ZNF836: variants seen among roughly 807,000 people sequenced by gnomAD.
ZNF836 encodes zinc finger protein 836.
In ZNF836, 12 loss-of-function variants were observed where a neutral mutation model predicts 7.4. That is an observed-to-expected ratio of 1.61 (90% CI 1.03 to 2.61). The LOEUF (loss-of-function observed/expected upper bound fraction) is 2.61. Ranked by LOEUF, ZNF836 falls within the 30% of genes most tolerant of loss-of-function variation. The pLI, the probability that ZNF836 is intolerant of heterozygous loss-of-function variation, is 0.00. For missense variants in ZNF836, 998 were observed against 1,126.2 expected, an observed-to-expected ratio of 0.89 and a Z score of 1.63; for synonymous variants, 365 against 382.6, an observed-to-expected ratio of 0.95 and a Z score of 0.54.
Position 52,156,901 on chromosome 19 carries a change from A to C in ZNF836, c.782T>G (p.Leu261Arg), listed in dbSNP as rs780561130. Residue 261 changes from leucine to arginine, a missense_variant, in exon 5 of 5, where the codon CTA becomes CGA. Leu to Arg is a moderately radical substitution (Grantham distance 102). Coordinates refer to ENST00000682614, the MANE Select transcript of ZNF836 (RefSeq NM_001102657.3). ...CGKAFHRGSL[L>R]TIHQIVHTRG... ...TGTATGGACTATCTGATGTATAGTTAGTAGTGAGCCCCGATGAAAGGCTTT... is the reference window on the plus strand; with the variant it reads ...TGTATGGACTATCTGATGTATAGTTCGTAGTGAGCCCCGATGAAAGGCTTT... 6.2e-7 allele frequency: 1 copy of C among 1,614,218 alleles called. No individual in the cohort carries two copies. Among genetic ancestry groups the C allele is most frequent in the East Asian group, 2.2e-5 (1 of 44,880 alleles).
At chr19:52,166,779 C>T (rs1487637017) in intron 3 of ZNF836, among the ~76,000 whole-genome samples, 1 of 151,356 alleles carries the variant, frequency 6.6e-6, no homozygotes, top group African/African-American at 2.4e-5. Flanking sequence ...CGGGGTTTCA[C>T]CTTGTTAGCC....
intron 3 of ZNF836, among the ~76,000 whole-genome samples, chr19:52,163,109 C>T (rs2089228703): frequency 6.6e-6 from 1 of 152,152 alleles, no homozygotes; most frequent in African/African-American, 2.4e-5. Flanking sequence ...CTATTCTGCC[C>T]TCAAGGCCCT....
chr19:52,155,636 T>G lies in ZNF836; in HGVS notation c.2047A>C (p.Lys683Gln), dbSNP rs762603980. 6.2e-7 allele frequency: 1 copy of G among 1,614,100 alleles called. No individual in the cohort carries two copies. Among genetic ancestry groups the G allele is most frequent in the Admixed American group, 1.7e-5 (1 of 60,020 alleles). ...TCTCCAGTATGAATTATCAGATGTTTAGTGAGGCTTGAACGCTGAGTATAG... is the reference window on the plus strand; with the variant it reads ...TCTCCAGTATGAATTATCAGATGTTGAGTGAGGCTTGAACGCTGAGTATAG... Reference protein sequence around the residue: ...KAYTQRSSLTKHLIIHTGEKP... With the variant: ...KAYTQRSSLTQHLIIHTGEKP... Residue 683 changes from lysine to glutamine, a missense_variant, in exon 5 of 5, where the codon AAA becomes CAA. Physicochemically the swap from Lys to Gln is moderately conservative, Grantham distance 53. Coordinates refer to ENST00000682614, the MANE Select transcript of ZNF836 (RefSeq NM_001102657.3).
intron 2 of ZNF836, among the ~76,000 whole-genome samples, chr19:52,168,755 T>C (rs2089286469): frequency 6.6e-6 from 1 of 152,076 alleles, no homozygotes; most frequent in Non-Finnish European, 1.5e-5. Flanking sequence ...TGCAACAACA[T>C]GGATGAACCA....
In ZNF836 at chr19:52,157,551, T is replaced by C. The variant is rs189622832; in HGVS notation, c.143-11A>G. 1.9e-4 allele frequency: 279 copies of C among 1,479,028 alleles called. 1 individual carries two copies. The East Asian group carries it at 4.9e-3, about 26-fold the overall frequency. The allele number at this position is 1,479,028 out of a possible 1,614,324, so 91.6% of individuals were successfully genotyped here. On this transcript the variant is annotated splice_polypyrimidine_tract_variant and intron_variant, in intron 4 of 4. Transcript: ENST00000682614. ...ATTTAGGAAGGATACCTACAAAATA[T>C]AATGAACATGGGAGTTTTTTCGTTG...
At chr19:52,160,358 G>A in intron 4 of ZNF836, 107 bp downstream of exon 4, 1 of 1,395,468 alleles carries the variant, frequency 7.2e-7, no homozygotes. Context: ...GAGTCAACAA[G>A]GCTTCAGTCT....
chr19:52,168,064 A>G lies in ZNF836; in HGVS notation c.9T>C (p.Leu3=), dbSNP rs761534633. ...ACTAAGAATATCATTTTACCTGTGT[A>G]AGAGCCATCCCTGACTCCTTTTCTT... The part of the protein sequence containing the change: MA[L]TQGPLTFRDV... The change falls in exon 3 of 5, where the codon CTT becomes CTC. Residue 3 remains leucine (L), a synonymous_variant. Transcript: ENST00000682614. The G allele has an allele frequency of 1.9e-6, 3 of 1,609,178 alleles. No homozygotes were observed. In the South Asian group the frequency reaches 3.3e-5, roughly 18 times the overall value.
rs1188003686 is a variant in ZNF836, at chr19:52,162,338, C to A, written c.16-1747G>T. On this transcript the variant is annotated intron_variant, in intron 3 of 4. Coordinates refer to ENST00000682614, the MANE Select transcript of ZNF836 (RefSeq NM_001102657.3). ...CCTTAGTGGGGACTTCCAGGGACAG[C>A]CTCACTCCTATGGCATTTTTATGCC... is the stretch of plus-strand genomic sequence containing the variant. 2.6e-5 allele frequency among the ~76,000 whole-genome samples: 4 copies of A among 152,192 alleles called. 1 individual carries two copies. In the South Asian group the frequency reaches 6.2e-4, roughly 24 times the overall value.
intron 3 of ZNF836, chr19:52,165,144 G>A (rs1186958214): frequency 6.6e-6 from 1 of 152,144 alleles, no homozygotes; most frequent in Non-Finnish European, 1.5e-5. Context: ...AGATCTAAAA[G>A]AAACATAGTA....
At chr19:52,170,639 C>T (rs1392903411) in intron 1 of ZNF836, among the ~76,000 whole-genome samples, 1 of 152,126 alleles carries the variant, frequency 6.6e-6, no homozygotes, top group African/African-American at 2.4e-5. Flanking sequence ...TGCTTTCCTC[C>T]CCCTGCTTCT....
intron 4 of ZNF836, among the ~76,000 whole-genome samples, chr19:52,158,606 G>A (rs987112062): frequency 1.3e-5 from 2 of 151,958 alleles, no homozygotes; most frequent in Non-Finnish European, 2.9e-5. Context: ...AGCCAGGCAT[G>A]GTGGTGTGCA....
At chr19:52,160,619 A>G in intron 3 of ZNF836, 28 bp from the exon 4 acceptor site, 1 of 1,587,860 alleles carries the variant, frequency 6.3e-7, no homozygotes, top group Non-Finnish European at 8.5e-7. Context: ...TTTCAACATG[A>G]GCAATGGGAG....
At chr19:52,160,695 C>T in intron 3 of ZNF836, 104 bp from the exon 4 acceptor site, 3 of 1,406,918 alleles carry the variant, frequency 2.1e-6, no homozygotes, top group Non-Finnish European at 1.9e-6. Flanking sequence ...TGTGTGTTTT[C>T]ACATATCCAT....
chr19:52,160,256 C>T lies in ZNF836; in HGVS notation c.142+209G>A, dbSNP rs1302583938. ...AAATATGGGAATTCTACTAAGGGCACAGGACAACAAGGGAAGACATTCAAA... is the reference window on the plus strand; with the variant it reads ...AAATATGGGAATTCTACTAAGGGCATAGGACAACAAGGGAAGACATTCAAA... On this transcript the variant is annotated intron_variant, in intron 4 of 4. Coordinates refer to ENST00000682614, the MANE Select transcript of ZNF836 (RefSeq NM_001102657.3). The T allele has an allele frequency of 2.0e-5, 12 of 608,208 alleles. No individual in the cohort carries two copies. The African/African-American group carries it at 2.3e-4, about 12-fold the overall frequency. The allele number at this position is 608,208 out of a possible 1,614,324, so 37.7% of individuals were successfully genotyped here.
At chr19:52,159,676 C>T (rs2089196208) in intron 4 of ZNF836, among the ~76,000 whole-genome samples, 1 of 152,056 alleles carries the variant, frequency 6.6e-6, no homozygotes, top group East Asian at 1.9e-4. Flanking sequence ...TGAGGGAGTA[C>T]TGCAATAATG....
intron 4 of ZNF836, 80 bp downstream of exon 4, chr19:52,160,385 G>A (rs1284187787): frequency 1.3e-6 from 2 of 1,578,606 alleles, no homozygotes; most frequent in Non-Finnish European, 1.7e-6. Flanking sequence ...AATAATGGAA[G>A]GGCTCCCAAG....
intron 2 of ZNF836, 92 bp from the exon 3 acceptor site, chr19:52,168,244 G>A (rs1215690547): frequency 5.3e-6 from 4 of 751,184 alleles, no homozygotes; most frequent in African/African-American, 3.5e-5. Flanking sequence ...TCAGCATGTG[G>A]AGAGACAGCC....
At position 52,154,787 on chromosome 19, in the gene ZNF836, C is replaced by G; in HGVS notation, c.*85G>C. On this transcript the variant is annotated 3_prime_UTR_variant, in exon 5 of 5. Coordinates refer to ENST00000682614, the MANE Select transcript of ZNF836 (RefSeq NM_001102657.3). ...GTGATCCAATCATCTCCCACCAGGC[C>G]CCACCTCCAATAAAGGGGATTAAAA... The G allele has an allele frequency of 1.6e-6, 2 of 1,247,288 alleles. No individual in the cohort carries two copies. The highest frequency in any genetic ancestry group is 1.1e-6 in the Non-Finnish European group (1 of 924,134). 77.3% of individuals were successfully genotyped at this position (1,247,288 alleles called of 1,614,324 possible).
intron 3 of ZNF836, among the ~76,000 whole-genome samples, chr19:52,164,973 C>T (rs1027524283): frequency 6.6e-6 from 1 of 152,052 alleles, no homozygotes; most frequent in Non-Finnish European, 1.5e-5. Flanking sequence ...GCCAATAGTC[C>T]CAGCTGCTCA....
Sources: gnomAD v4.1 joint callset for allele counts (sites outside exome capture counted in the v4.1 genomes callset) on GRCh38, gnomAD v4.1.1 for gene constraint, MANE v1.5 for transcripts, NCBI Gene and HGNC (gene_info 2026-07-23, HGNC 2026-07-21) for gene names.